Variants in GRIP1 observed in about 807,000 individuals in gnomAD.
GRIP1 encodes the protein glutamate receptor interacting protein 1.
In GRIP1, 45 loss-of-function variants were observed where a neutral mutation model predicts 129.9. That is an observed-to-expected ratio of 0.35 (90% CI 0.27 to 0.44). The LOEUF (loss-of-function observed/expected upper bound fraction) is 0.44. GRIP1 is among the 20% of genes least tolerant of loss of function. The pLI is 1.00. For synonymous variants in GRIP1, 530 were observed against 520.8 expected (o/e 1.02, Z -0.24); for missense variants, 1,196 against 1,396.8 (o/e 0.86, Z 2.29).
intron 1 of GRIP1, among the ~76,000 whole-genome samples, chr12:66,609,663 C>T (rs1171386981): frequency 6.6e-6 from 1 of 152,100 alleles, no homozygotes; most frequent in Non-Finnish European, 1.5e-5. Flanking sequence ...ATAAATCTTG[C>T]CTGAACAAAG....
chr12:66,900,668 AGAG>A (rs143820849), intron 1 of GRIP1, among the ~76,000 whole-genome samples: 1,918 of 152,288 alleles, frequency 0.013, 44 homozygotes, highest in African/African-American at 0.043. Flanking sequence ...TCAGGCAAAA[AGAG>A]GAGGAAGAAG....
At chr12:66,661,973 T>C (rs2033536847) in intron 1 of GRIP1, among the ~76,000 whole-genome samples, 1 of 152,156 alleles carries the variant, frequency 6.6e-6, no homozygotes, top group South Asian at 2.1e-4. Flanking sequence ...TTCCTTCTCA[T>C]ACGTAACACT....
intron 2 of GRIP1, among the ~76,000 whole-genome samples, chr12:66,593,137 T>C (rs964077414): frequency 1.3e-5 from 2 of 152,196 alleles, no homozygotes; most frequent in Non-Finnish European, 2.9e-5. Flanking sequence ...ATTCTTACAT[T>C]TAATGCCATA....
intron 1 of GRIP1, among the ~76,000 whole-genome samples, chr12:66,723,330 TGA>T (rs1479060220): frequency 7.5e-4 from 69 of 91,986 alleles, no homozygotes; most frequent in African/African-American, 3.3e-3. Flanking sequence ...TTTTTTTTTT[TGA>T]GACAGAGTCT....
chr12:66,649,506 C>T (rs552606405), intron 1 of GRIP1, among the ~76,000 whole-genome samples: 1 of 152,332 alleles, frequency 6.6e-6, no homozygotes, highest in East Asian at 1.9e-4. Context: ...CCATGCTGAG[C>T]ACCGTATAGG....
intron 5 of GRIP1, among the ~76,000 whole-genome samples, chr12:66,520,517 T>C (rs1270605814): frequency 3.3e-5 from 5 of 152,340 alleles, no homozygotes; most frequent in Admixed American, 2.0e-4. Context: ...AGTATAATAC[T>C]ATGAAGTCTG....
At chr12:66,536,695 CATTCATAGT>C (rs1314076476) in intron 4 of GRIP1, among the ~76,000 whole-genome samples, 1 of 152,192 alleles carries the variant, frequency 6.6e-6, no homozygotes. Flanking sequence ...TTTCGCATAG[CATTCATAGT>C]ATTCATACTG....
At chr12:66,796,719 C>T (rs2038710483) in intron 1 of GRIP1, among the ~76,000 whole-genome samples, 1 of 152,102 alleles carries the variant, frequency 6.6e-6, no homozygotes, top group Non-Finnish European at 1.5e-5. Flanking sequence ...CGTGCATCAT[C>T]AAGTAATTGC....
At chr12:66,405,132 G>C (rs2057145990) in intron 16 of GRIP1, among the ~76,000 whole-genome samples, 1 of 152,144 alleles carries the variant, frequency 6.6e-6, no homozygotes, top group East Asian at 1.9e-4. Context: ...GAAGAATTCA[G>C]ATTGCTATAA....
intron 2 of GRIP1, among the ~76,000 whole-genome samples, chr12:66,567,379 T>C (rs1473526801): frequency 6.6e-6 from 1 of 152,216 alleles, no homozygotes; most frequent in Non-Finnish European, 1.5e-5. Flanking sequence ...CATTTCATTA[T>C]TTACCCAGTA....
intron 2 of GRIP1, among the ~76,000 whole-genome samples, chr12:66,594,249 T>C (rs2139739198): frequency 6.6e-6 from 1 of 151,922 alleles, no homozygotes; most frequent in South Asian, 2.1e-4. Flanking sequence ...ATTGGTGCAC[T>C]TTTCTCTAGA....
chr12:66,541,411 T>C (rs1400959639), intron 3 of GRIP1, among the ~76,000 whole-genome samples: 3 of 152,228 alleles, frequency 2.0e-5, no homozygotes. Context: ...AGGGTAGCCA[T>C]GTCCCCTCTC....
intron 1 of GRIP1, among the ~76,000 whole-genome samples, chr12:66,792,859 A>ATC (rs2038584498): frequency 6.6e-6 from 1 of 152,212 alleles, no homozygotes; most frequent in Admixed American, 6.5e-5. Context: ...CTTGACACTA[A>ATC]GAGTTCCCTG....
At chr12:66,625,960 T>C (rs909916867) in intron 1 of GRIP1, among the ~76,000 whole-genome samples, 1 of 152,088 alleles carries the variant, frequency 6.6e-6, no homozygotes, top group Non-Finnish European at 1.5e-5. Context: ...GGATGTGACA[T>C]GGGCTGACAC....
chr12:67,042,069 AGGG>A lies in GRIP1; in HGVS notation c.58+26978_58+26980del, dbSNP rs761165791. Among the ~76,000 whole-genome samples, 19 of 152,234 alleles carry A rather than the reference AGGG, an allele frequency of 1.2e-4. No homozygotes were observed. In the Middle Eastern group the frequency reaches 0.01, roughly 82 times the overall value. ...TGTTACAGCAGGACTGAGTTATTGC[AGGG>A]GTGGGTTCCTGATAGAAAGGATGCA... On this transcript the variant is annotated intron_variant, in intron 1 of 1. Coordinates refer to the GRIP1 transcript ENST00000643019.
chr12:66,821,635 A>G (rs2039320334), intron 1 of GRIP1, among the ~76,000 whole-genome samples: 1 of 152,244 alleles, frequency 6.6e-6, no homozygotes, highest in African/African-American at 2.4e-5. Flanking sequence ...TCCCTAGAGA[A>G]ATCGAGCCAA....
chr12:66,467,429 C>G (rs893729743), intron 7 of GRIP1, among the ~76,000 whole-genome samples: 2 of 152,192 alleles, frequency 1.3e-5, no homozygotes, highest in African/African-American at 4.8e-5. Flanking sequence ...TCTGCAGAGT[C>G]TCACCTGGTC....
chr12:66,560,142 A>G (rs887195899), intron 2 of GRIP1, among the ~76,000 whole-genome samples: 3 of 152,124 alleles, frequency 2.0e-5, no homozygotes, highest in African/African-American at 7.2e-5. Flanking sequence ...CTAGACCCCC[A>G]TCTCTTGCCA....
chr12:66,410,678 CAATG>C (rs1565711305), intron 15 of GRIP1, among the ~76,000 whole-genome samples: 1 of 151,578 alleles, frequency 6.6e-6, no homozygotes, highest in Non-Finnish European at 1.5e-5. Context: ...AACAGACAAA[CAATG>C]AAGCACACCT....
Sources: allele counts gnomAD v4.1 joint callset (sites outside exome capture counted in the v4.1 genomes callset), GRCh38; gene constraint gnomAD v4.1.1; transcripts MANE v1.5; gene names NCBI Gene and HGNC (gene_info 2026-07-23, HGNC 2026-07-21).